Variants in ARHGAP26 observed in about 807,000 individuals in gnomAD.
ARHGAP26 encodes Rho GTPase activating protein 26, also known as rho GTPase-activating protein 26.
In ARHGAP26, 38 loss-of-function variants were observed where a neutral mutation model predicts 104.8. The ratio of observed to expected loss-of-function variants is 0.36; its 90% CI spans 0.28 to 0.48. The LOEUF (loss-of-function observed/expected upper bound fraction) is 0.48. Ranked by LOEUF, ARHGAP26 falls within the 20% of genes least tolerant of loss-of-function variation. ARHGAP26 has a pLI of 0.99. For synonymous variants in ARHGAP26, 341 were observed against 340.0 expected, an observed-to-expected ratio of 1.00 and a Z score of -0.03; for missense variants, 704 against 947.9, an observed-to-expected ratio of 0.74 and a Z score of 3.38.
intron 19 of ARHGAP26, among the ~76,000 whole-genome samples, chr5:143,138,627 C>T (rs1361020103): frequency 6.6e-6 from 1 of 152,172 alleles, no homozygotes; most frequent in African/African-American, 2.4e-5. Context: ...CAGCTCTTGT[C>T]TGTAGAACTG....
chr5:142,833,032 A>C (rs765641983), intron 1 of ARHGAP26, among the ~76,000 whole-genome samples: 1 of 152,030 alleles, frequency 6.6e-6, no homozygotes, highest in African/African-American at 2.4e-5. Context: ...TACACTCATA[A>C]TCTTACCACA....
rs1759955286 is a variant in ARHGAP26, at chr5:142,792,046, A to G, written c.154+21131A>G. 2.0e-5 allele frequency among the ~76,000 whole-genome samples: 3 copies of G among 152,180 alleles called. No individual in the cohort carries two copies. In the South Asian group the frequency reaches 6.2e-4, roughly 32 times the overall value. ...TATAAGCCTCCTAATCAATTACAAA[A>G]GAGTCATTTTTCACTTTCCTTTAAA... On this transcript the variant is annotated intron_variant, in intron 1 of 22. Transcript: ENST00000645722.
At chr5:143,220,217 G>A (rs140455783) in intron 22 of ARHGAP26, among the ~76,000 whole-genome samples, 166 of 152,204 alleles carry the variant, frequency 1.1e-3, no homozygotes, top group African/African-American at 3.5e-3. Flanking sequence ...TTCTTTCTAC[G>A]TTTTTATTTT....
intron 20 of ARHGAP26, among the ~76,000 whole-genome samples, chr5:143,179,959 T>C (rs944027553): frequency 1.3e-5 from 2 of 152,190 alleles, no homozygotes; most frequent in Non-Finnish European, 2.9e-5. Flanking sequence ...ACAATGGTCA[T>C]TGTCAAGAGC....
chr5:143,051,098 T>A (rs1784947712), intron 14 of ARHGAP26, among the ~76,000 whole-genome samples: 1 of 152,234 alleles, frequency 6.6e-6, no homozygotes, highest in East Asian at 1.9e-4. Flanking sequence ...GTGCGTGTAT[T>A]ACTTTCTCAC....
chr5:142,872,479 G>T (rs1224514578), intron 1 of ARHGAP26, among the ~76,000 whole-genome samples: 1 of 152,152 alleles, frequency 6.6e-6, no homozygotes, highest in South Asian at 2.1e-4. Flanking sequence ...AGCCTAATCT[G>T]CAGGAAGACT....
At chr5:142,877,027 C>T (rs1259347232) in intron 3 of ARHGAP26, among the ~76,000 whole-genome samples, 1 of 151,934 alleles carries the variant, frequency 6.6e-6, no homozygotes, top group Non-Finnish European at 1.5e-5. Flanking sequence ...TGATTCTTGG[C>T]TGAGTTAGTA....
chr5:142,852,575 G>A lies in ARHGAP26; in HGVS notation c.155-20825G>A, dbSNP rs114979802. Among the ~76,000 whole-genome samples the A allele has an allele frequency of 4.5e-3, 679 of 152,280 alleles. 3 individuals carry two copies. Among genetic ancestry groups the A allele is most frequent in the Middle Eastern group, 0.01 (3 of 294 alleles). On this transcript the variant is annotated intron_variant, in intron 1 of 22. Transcript: ENST00000645722. ...GGATGCCTATGGCTTGTAACAGTCG[G>A]GATTTCTGTTCACATCTCACATGCA...
chr5:143,213,176 T>A (rs1809783145), intron 21 of ARHGAP26, among the ~76,000 whole-genome samples: 1 of 152,188 alleles, frequency 6.6e-6, no homozygotes, highest in African/African-American at 2.4e-5. Context: ...GATGCCTGTA[T>A]AATATCTGCA....
At chr5:143,022,229 A>G (rs1401078064) in intron 12 of ARHGAP26, among the ~76,000 whole-genome samples, 2 of 151,776 alleles carry the variant, frequency 1.3e-5, no homozygotes, top group Non-Finnish European at 2.9e-5. Flanking sequence ...CTGCTACCAC[A>G]CCTGGCTAAT....
At chr5:142,888,310 G>A (rs1275610899) in intron 5 of ARHGAP26, among the ~76,000 whole-genome samples, 1 of 152,192 alleles carries the variant, frequency 6.6e-6, no homozygotes, top group Non-Finnish European at 1.5e-5. Context: ...GGATGTTGAG[G>A]CTCTCTTGCC....
chr5:142,882,407 T>C (rs529126568), intron 4 of ARHGAP26, among the ~76,000 whole-genome samples: 1 of 152,330 alleles, frequency 6.6e-6, no homozygotes, highest in South Asian at 2.1e-4. Flanking sequence ...ACACAGTTCA[T>C]TTGTTTAAAA....
intron 11 of ARHGAP26, among the ~76,000 whole-genome samples, chr5:142,980,089 C>A (rs911378147): frequency 6.6e-6 from 1 of 152,230 alleles, no homozygotes; most frequent in Non-Finnish European, 1.5e-5. Context: ...AACCACTCTT[C>A]TGACTTATAT....
intron 11 of ARHGAP26, among the ~76,000 whole-genome samples, chr5:142,997,271 A>G (rs966852112): frequency 1.3e-5 from 2 of 152,160 alleles, no homozygotes; most frequent in Non-Finnish European, 2.9e-5. Flanking sequence ...AGTTTTCACA[A>G]TCATTTGTAG....
At chr5:142,860,840 C>T (rs946303637) in intron 1 of ARHGAP26, among the ~76,000 whole-genome samples, 4 of 152,160 alleles carry the variant, frequency 2.6e-5, no homozygotes, top group African/African-American at 9.7e-5. Context: ...GGTTCCATTA[C>T]TGGTACTTAG....
chr5:143,148,421 A>G (rs1318700850), intron 20 of ARHGAP26, among the ~76,000 whole-genome samples: 2 of 152,232 alleles, frequency 1.3e-5, no homozygotes, highest in African/African-American at 2.4e-5. Flanking sequence ...GGGCTATTAA[A>G]TGCTTGGGAG....
At chr5:143,078,978 G>C (rs748425815) in intron 17 of ARHGAP26, among the ~76,000 whole-genome samples, 70 of 152,250 alleles carry the variant, frequency 4.6e-4, no homozygotes, top group Non-Finnish European at 9.7e-4. Context: ...CTCTGCAAAT[G>C]CAGAGTAATT....
intron 11 of ARHGAP26, among the ~76,000 whole-genome samples, chr5:142,935,479 A>C (rs1028944956): frequency 6.6e-6 from 1 of 152,172 alleles, no homozygotes; most frequent in Non-Finnish European, 1.5e-5. Context: ...CTTCAGTAAA[A>C]CTTTATTATT....
intron 19 of ARHGAP26, among the ~76,000 whole-genome samples, chr5:143,145,002 A>G (rs1394848661): frequency 6.6e-6 from 1 of 152,222 alleles, no homozygotes; most frequent in Non-Finnish European, 1.5e-5. Context: ...TTTTCTTGTC[A>G]TATGGCCCAG....
Sources: allele counts gnomAD v4.1 joint callset (sites outside exome capture counted in the v4.1 genomes callset), GRCh38; gene constraint gnomAD v4.1.1; transcripts MANE v1.5; gene names NCBI Gene and HGNC (gene_info 2026-07-23, HGNC 2026-07-21).